MMP26: variants seen among roughly 807,000 people sequenced by gnomAD.
The protein encoded by MMP26 is matrix metalloproteinase-26.
A neutral mutation model predicts 31.0 loss-of-function variants in MMP26; 33 were observed. The ratio of observed to expected loss-of-function variants is 1.06; its 90% CI spans 0.81 to 1.42. The LOEUF (loss-of-function observed/expected upper bound fraction) is 1.42, where lower values mean the gene tolerates loss of function less well. Ranked by LOEUF, MMP26 falls within the 40% of genes most tolerant of loss-of-function variation. The pLI is 0.00. For synonymous variants in MMP26, 122 were observed against 114.9 expected, an observed-to-expected ratio of 1.06 and a Z score of -0.40; for missense variants, 347 against 316.1, an observed-to-expected ratio of 1.10 and a Z score of -0.74.
chr11:4,807,414 A>AC (rs1187514523), intron 2 of MMP26, among the ~76,000 whole-genome samples: 1 of 152,190 alleles, frequency 6.6e-6, no homozygotes, highest in Non-Finnish European at 1.5e-5. Flanking sequence ...TGGCACATAT[A>AC]CCCCATGGAA....
chr11:4,873,641 T>C (rs1006627415), intron 2 of MMP26, among the ~76,000 whole-genome samples: 1 of 152,056 alleles, frequency 6.6e-6, no homozygotes, highest in Non-Finnish European at 1.5e-5. Flanking sequence ...TTTTGAGAGA[T>C]AATTTTTATA....
intron 2 of MMP26, among the ~76,000 whole-genome samples, chr11:4,824,915 C>T (rs1195680550): frequency 6.6e-6 from 1 of 152,068 alleles, no homozygotes. Flanking sequence ...GATCTAACAC[C>T]TTCAAGATCC....
intron 1 of MMP26, among the ~76,000 whole-genome samples, chr11:4,706,577 C>CAAAA (rs71050423): frequency 2.6e-4 from 23 of 87,478 alleles, no homozygotes; most frequent in East Asian, 4.1e-4. Flanking sequence ...GACCCTATCT[C>CAAAA]AAAAAAAAAA....
intron 6 of MMP26, among the ~76,000 whole-genome samples, 192 bp from the exon 7 acceptor site, chr11:4,991,772 A>T (rs1847007333): frequency 6.6e-6 from 1 of 151,920 alleles, no homozygotes; most frequent in Non-Finnish European, 1.5e-5. Context: ...CTTCAAGTTT[A>T]TCTGTCCAAA....
chr11:4,751,371 T>G (rs141297092), intron 1 of MMP26, among the ~76,000 whole-genome samples: 14 of 152,128 alleles, frequency 9.2e-5, no homozygotes, highest in Non-Finnish European at 1.6e-4. Flanking sequence ...ATGAAAATTA[T>G]GAGGAGAGAA....
rs531486542 is a variant in MMP26, at chr11:4,807,391, G to C, written c.-145+40050G>C. Among the ~76,000 whole-genome samples the C allele has an allele frequency of 6.6e-5, 10 of 152,240 alleles. 1 individual carries two copies. The highest frequency in any genetic ancestry group is 2.4e-4 in the African/African-American group (10 of 41,542). ...CCAAATGTCCATTAATGATAGACTGGATTAAGAAAATGTGGCACATATACC... is the reference window on the plus strand; with the variant it reads ...CCAAATGTCCATTAATGATAGACTGCATTAAGAAAATGTGGCACATATACC... On this transcript the variant is annotated intron_variant, in intron 2 of 7. Transcript: ENST00000380390.
chr11:4,850,918 A>G (rs1340699471), intron 2 of MMP26, among the ~76,000 whole-genome samples: 2 of 150,592 alleles, frequency 1.3e-5, no homozygotes, highest in Non-Finnish European at 3.0e-5. Flanking sequence ...TAAATTTTTT[A>G]ATAAAATATA....
intron 2 of MMP26, among the ~76,000 whole-genome samples, chr11:4,767,971 T>A (rs1401697590): frequency 6.6e-6 from 1 of 152,222 alleles, no homozygotes; most frequent in Non-Finnish European, 1.5e-5. Context: ...CCAAACATTT[T>A]GTGTCTGTCT....
intron 2 of MMP26, among the ~76,000 whole-genome samples, chr11:4,917,031 C>A (rs550859446): frequency 6.6e-6 from 1 of 152,210 alleles, no homozygotes; most frequent in African/African-American, 2.4e-5. Context: ...CAGCAGTGAT[C>A]TTCCATTCTC....
At chr11:4,737,822 A>G (rs1385391944) in intron 1 of MMP26, among the ~76,000 whole-genome samples, 1 of 152,200 alleles carries the variant, frequency 6.6e-6, no homozygotes, top group Non-Finnish European at 1.5e-5. Flanking sequence ...ATTCATTTTT[A>G]AAAGTAAAAT....
intron 1 of MMP26, among the ~76,000 whole-genome samples, chr11:4,715,037 A>G (rs1589881642): frequency 6.6e-6 from 1 of 152,020 alleles, no homozygotes; most frequent in Non-Finnish European, 1.5e-5. Flanking sequence ...GCAACACAGC[A>G]TGTTTTAAAT....
chr11:4,806,361 C>G (rs868795338), intron 2 of MMP26, among the ~76,000 whole-genome samples: 5 of 152,072 alleles, frequency 3.3e-5, no homozygotes, highest in South Asian at 2.1e-4. Flanking sequence ...GAGTCTAAGT[C>G]TCTTTGTAGG....
chr11:4,921,885 C>G (rs1851190075), intron 2 of MMP26, among the ~76,000 whole-genome samples: 2 of 152,206 alleles, frequency 1.3e-5, no homozygotes, highest in Non-Finnish European at 2.9e-5. Context: ...GGTACAAGTG[C>G]AGTGTTGTTA....
intron 2 of MMP26, among the ~76,000 whole-genome samples, chr11:4,873,595 A>G (rs1850338848): frequency 6.6e-6 from 1 of 152,116 alleles, no homozygotes; most frequent in Middle Eastern, 3.2e-3. Context: ...TAGGTGCATA[A>G]CTTTAGAATT....
At chr11:4,828,563 AG>A (rs1476584576) in intron 2 of MMP26, among the ~76,000 whole-genome samples, 3 of 152,156 alleles carry the variant, frequency 2.0e-5, no homozygotes, top group Non-Finnish European at 4.4e-5. Context: ...TATTTTAGAA[AG>A]CGGGGGGAGA....
chr11:4,857,183 A>G (rs1387512399), intron 2 of MMP26, among the ~76,000 whole-genome samples: 5 of 152,160 alleles, frequency 3.3e-5, no homozygotes, highest in African/African-American at 1.2e-4. Flanking sequence ...AAGAGCAAAC[A>G]CATTCAAAAG....
intron 2 of MMP26, among the ~76,000 whole-genome samples, chr11:4,801,607 A>T (rs1849184053): frequency 6.6e-6 from 1 of 151,740 alleles, no homozygotes. Context: ...CAATGGCATG[A>T]TCTCTGCTCA....
intron 2 of MMP26, chr11:4,830,246 T>C (rs527349532): frequency 6.6e-6 from 1 of 152,308 alleles, no homozygotes; most frequent in South Asian, 2.1e-4. Context: ...CTGGTAGGTG[T>C]TCTGGTGAAT....
intron 2 of MMP26, chr11:4,848,456 G>A: frequency 6.2e-7 from 1 of 1,613,858 alleles, no homozygotes; most frequent in Non-Finnish European, 8.5e-7. Context: ...CTGCAGAGAG[G>A]TGGGCAGCAC....
Sources: allele counts gnomAD v4.1 joint callset (sites outside exome capture counted in the v4.1 genomes callset), GRCh38; gene constraint gnomAD v4.1.1; transcripts MANE v1.5; gene names NCBI Gene and HGNC (gene_info 2026-07-23, HGNC 2026-07-21).